YAE1: variants seen among roughly 807,000 people sequenced by gnomAD.
YAE1 encodes the protein YAE1 maturation factor of ABCE1.
YAE1 carries 22 observed loss-of-function variants against 23.0 expected under a neutral mutation model. The ratio of observed to expected loss-of-function variants is 0.96; its 90% CI spans 0.68 to 1.37. The LOEUF is 1.37. Ranked by LOEUF, YAE1 falls within the 40% of genes most tolerant of loss-of-function variation. The pLI, the probability that YAE1 is intolerant of heterozygous loss-of-function variation, is 0.00. For synonymous variants in YAE1, 101 were observed against 97.0 expected (o/e 1.04, Z -0.24); for missense variants, 260 against 262.1 (o/e 0.99, Z 0.06).
chr7:39,605,139 C>T (rs928898107), intron 2 of YAE1, among the ~76,000 whole-genome samples: 2 of 152,218 alleles, frequency 1.3e-5, no homozygotes, highest in Non-Finnish European at 2.9e-5. Context: ...ATATGACCAT[C>T]TAGCAGCAAT....
chr7:39,578,835 A>G (rs1407148023), intron 2 of YAE1, among the ~76,000 whole-genome samples: 3 of 152,232 alleles, frequency 2.0e-5, no homozygotes, highest in African/African-American at 7.2e-5. Flanking sequence ...ACCAGGCTAA[A>G]CAGTTACGTT....
chr7:39,595,301 G>A (rs952570002), intron 2 of YAE1, among the ~76,000 whole-genome samples: 2 of 151,990 alleles, frequency 1.3e-5, no homozygotes, highest in African/African-American at 2.4e-5. Context: ...TGTTTTTATT[G>A]ATGAGGATTT....
chr7:39,570,886 T>C, intron 2 of YAE1: 1 of 364,780 alleles, frequency 2.7e-6, no homozygotes, highest in Non-Finnish European at 4.8e-6. Flanking sequence ...TGAACAATTA[T>C]CTATCTCATT....
At chr7:39,566,711 G>GA in intron 1 of YAE1, 164 bp downstream of exon 1, 1 of 1,010,684 alleles carries the variant, frequency 9.9e-7, no homozygotes, top group Non-Finnish European at 1.4e-6. Context: ...ATGGTTACTT[G>GA]AAAGCGTGTA....
chr7:39,571,276 C>CTTTTTTTT (rs58497539), intron 2 of YAE1, among the ~76,000 whole-genome samples: 1 of 135,984 alleles, frequency 7.4e-6, no homozygotes, highest in Non-Finnish European at 1.6e-5. Flanking sequence ...TTTCTTTTTT[C>CTTTTTTTT]TTTTTTTTTT....
downstream of YAE1, chr7:39,572,998 G>C: frequency 1.5e-6 from 1 of 668,242 alleles, no homozygotes; most frequent in Non-Finnish European, 1.9e-6. Flanking sequence ...ATTAGCAAAA[G>C]TGAACAAGAA....
chr7:39,581,836 C>T (rs1464093135), intron 2 of YAE1, among the ~76,000 whole-genome samples: 1 of 151,686 alleles, frequency 6.6e-6, no homozygotes, highest in Non-Finnish European at 1.5e-5. Context: ...CCTGCCACTG[C>T]ACTTCAGCCT....
intron 1 of YAE1, among the ~76,000 whole-genome samples, chr7:39,568,285 T>A (rs947171904): frequency 3.3e-5 from 5 of 151,690 alleles, no homozygotes; most frequent in African/African-American, 7.3e-5. Flanking sequence ...TTAATGATTT[T>A]GAAACATCAA....
intron 1 of YAE1, among the ~76,000 whole-genome samples, chr7:39,567,392 A>G (rs1258981549): frequency 6.6e-6 from 1 of 152,142 alleles, no homozygotes. Context: ...CGAAATCACT[A>G]CCCACAGAGC....
downstream of YAE1, among the ~76,000 whole-genome samples, chr7:39,576,552 T>C (rs965570854): frequency 2.6e-5 from 4 of 152,200 alleles, no homozygotes; most frequent in Admixed American, 2.0e-4. Context: ...TTTTTACTCA[T>C]TGCTGACTCT....
chr7:39,568,200 T>C (rs1387000718), intron 1 of YAE1, among the ~76,000 whole-genome samples: 1 of 151,906 alleles, frequency 6.6e-6, no homozygotes, highest in African/African-American at 2.4e-5. Flanking sequence ...GTCATGCCAC[T>C]GCACTCCAGC....
rs558808432 is a variant in YAE1 at position 39,609,662 on chromosome 7, G to A, written c.297G>A (p.Arg99=). 8.8e-4 allele frequency: 1,349 copies of A among 1,535,688 alleles called. 12 individuals are homozygous for A. Among genetic ancestry groups the A allele is most frequent in the South Asian group, 8.8e-3 (738 of 84,066 alleles). ...TACTGGGCTTGAGAGCCCCGCTGAGGAGTCCGGAGGTTGGGACGCAACTAC... is the reference window on the plus strand; with the variant it reads ...TACTGGGCTTGAGAGCCCCGCTGAGAAGTCCGGAGGTTGGGACGCAACTAC... Residue 99 remains arginine (R), a synonymous_variant, in exon 3 of 3, where the codon AGG becomes AGA. Transcript: ENST00000432096.
chr7:39,597,955 ATTTTTCTTT>A (rs1327620575), intron 2 of YAE1, among the ~76,000 whole-genome samples: 1 of 151,848 alleles, frequency 6.6e-6, no homozygotes. Flanking sequence ...GATAAGAAAA[ATTTTTCTTT>A]TTTTTCTTTT....
At chr7:39,581,082 A>C (rs1280283162) in intron 2 of YAE1, among the ~76,000 whole-genome samples, 1 of 152,138 alleles carries the variant, frequency 6.6e-6, no homozygotes, top group Admixed American at 6.5e-5. Flanking sequence ...CACACACACA[A>C]ACACAACTTT....
chr7:39,587,167 C>A (rs1790831786), intron 2 of YAE1, among the ~76,000 whole-genome samples: 1 of 151,938 alleles, frequency 6.6e-6, no homozygotes, highest in Non-Finnish European at 1.5e-5. Context: ...AGTGATTCTC[C>A]CACCTCAGCG....
At chr7:39,600,141 G>A (rs1791035696) in intron 2 of YAE1, among the ~76,000 whole-genome samples, 1 of 152,142 alleles carries the variant, frequency 6.6e-6, no homozygotes, top group Non-Finnish European at 1.5e-5. Flanking sequence ...ACCTAGCATA[G>A]TGCTTAGCAG....
downstream of YAE1, among the ~76,000 whole-genome samples, chr7:39,573,369 A>G (rs1790605003): frequency 6.6e-6 from 1 of 152,204 alleles, no homozygotes; most frequent in Admixed American, 6.5e-5. Flanking sequence ...AGTTAGTAAT[A>G]TTGCCTAACA....
At chr7:39,593,083 C>T (rs10258946) in intron 2 of YAE1, among the ~76,000 whole-genome samples, 132,137 of 151,692 alleles carry the variant, frequency 0.87, 57,688 homozygotes, top group African/African-American at 0.92. Flanking sequence ...AGTTCTTTCT[C>T]CTTTTATCTC....
chr7:39,590,164 TTAAG>T (rs1790881587), intron 2 of YAE1, among the ~76,000 whole-genome samples: 1 of 152,326 alleles, frequency 6.6e-6, no homozygotes, highest in African/African-American at 2.4e-5. Flanking sequence ...ATTTAGTACA[TTAAG>T]TATTTACTAA....
Sources: allele counts gnomAD v4.1 joint callset (sites outside exome capture counted in the v4.1 genomes callset), GRCh38; gene constraint gnomAD v4.1.1; transcripts MANE v1.5; gene names NCBI Gene and HGNC (gene_info 2026-07-23, HGNC 2026-07-21).